KIAA1328: variants seen among roughly 807,000 people sequenced by gnomAD.
KIAA1328 encodes the protein KIAA1328, also known as protein hinderin.
A neutral mutation model predicts 68.1 loss-of-function variants in KIAA1328; 52 were observed. That is an observed-to-expected ratio of 0.76 (90% CI 0.61 to 0.96). The LOEUF (loss-of-function observed/expected upper bound fraction) is 0.96. Ranked by LOEUF, KIAA1328 falls within the 40% of genes least tolerant of loss-of-function variation. The pLI is 0.00. For synonymous variants in KIAA1328, 232 were observed against 239.4 expected (o/e 0.97, Z 0.28); for missense variants, 641 against 677.6 (o/e 0.95, Z 0.60).
At chr18:37,075,716 A>G (rs557544375) in intron 7 of KIAA1328, 2 of 152,324 alleles carry the variant, frequency 1.3e-5, no homozygotes, top group African/African-American at 4.8e-5. Flanking sequence ...TAAACCAACA[A>G]AGATCAAAAG....
chr18:36,844,359 A>C lies in KIAA1328; in HGVS notation c.332+57A>C, dbSNP rs1024257568. On this transcript the variant is annotated intron_variant, in intron 4 of 9. Transcript: ENST00000280020. The stretch of plus-strand genomic sequence containing the variant: ...TATACAAAAGACAACTCTTATTGAA[A>C]ACAGAAAATTGCAAATATATTTTGA... The C allele has an allele frequency of 2.6e-6, 3 of 1,162,754 alleles. No individual in the cohort carries two copies. In the African/African-American group the frequency reaches 4.8e-5, roughly 19 times the overall value. 72.0% of individuals were successfully genotyped at this position (1,162,754 alleles called of 1,614,324 possible).
intron 7 of KIAA1328, among the ~76,000 whole-genome samples, chr18:37,090,187 A>G (rs968004953): frequency 1.3e-5 from 2 of 152,214 alleles, no homozygotes; most frequent in Non-Finnish European, 2.9e-5. Context: ...CTTTCTCATT[A>G]TCTCATTTAT....
At chr18:36,903,293 T>C (rs2049102690) in intron 5 of KIAA1328, among the ~76,000 whole-genome samples, 1 of 152,084 alleles carries the variant, frequency 6.6e-6, no homozygotes, top group Non-Finnish European at 1.5e-5. Context: ...CCAATTTTAT[T>C]TTATTAAAGG....
chr18:37,041,607 T>G (rs1346464623), intron 6 of KIAA1328, among the ~76,000 whole-genome samples: 3 of 150,880 alleles, frequency 2.0e-5, no homozygotes, highest in Non-Finnish European at 4.4e-5. Context: ...GATGTCTTAC[T>G]CTTGTACTCC....
At chr18:37,135,001 G>A (rs1305105004) in intron 7 of KIAA1328, among the ~76,000 whole-genome samples, 1 of 152,118 alleles carries the variant, frequency 6.6e-6, no homozygotes, top group African/African-American at 2.4e-5. Context: ...GGCCTCCAGT[G>A]GCATCCATGT....
chr18:37,034,254 A>ATTTTTT (rs1198242860), intron 6 of KIAA1328, among the ~76,000 whole-genome samples: 1 of 152,198 alleles, frequency 6.6e-6, no homozygotes, highest in African/African-American at 2.4e-5. Flanking sequence ...GTAATACAAA[A>ATTTTTT]AAAGGTATAT....
intron 5 of KIAA1328, among the ~76,000 whole-genome samples, chr18:36,944,612 C>G (rs2151198321): frequency 6.6e-6 from 1 of 152,036 alleles, no homozygotes. Context: ...GGAAGTAGCA[C>G]AAACAGAGTA....
At chr18:36,959,906 A>G (rs1259709598) in intron 6 of KIAA1328, among the ~76,000 whole-genome samples, 1 of 152,356 alleles carries the variant, frequency 6.6e-6, no homozygotes, top group East Asian at 1.9e-4. Flanking sequence ...TCACATAAGT[A>G]TGTAGGAGAG....
chr18:36,899,605 T>C (rs956412516), intron 5 of KIAA1328, among the ~76,000 whole-genome samples: 1 of 152,020 alleles, frequency 6.6e-6, no homozygotes, highest in African/African-American at 2.4e-5. Context: ...CATATACTCA[T>C]GATATGTATC....
At chr18:37,226,024 C>G (rs552439656), downstream of KIAA1328, among the ~76,000 whole-genome samples, 55 of 152,240 alleles carry the variant, frequency 3.6e-4, no homozygotes, top group African/African-American at 1.3e-3. Flanking sequence ...TAAGATCCCC[C>G]CTAATTTGAA....
chr18:36,833,399 G>C (rs1014262974), intron 1 of KIAA1328: 3 of 152,218 alleles, frequency 2.0e-5, no homozygotes, highest in African/African-American at 7.2e-5. Flanking sequence ...GTAGGAGCTT[G>C]CATAGCTTGT....
intron 4 of KIAA1328, among the ~76,000 whole-genome samples, chr18:36,854,387 T>C (rs967118933): frequency 2.0e-5 from 3 of 152,220 alleles, no homozygotes; most frequent in African/African-American, 7.2e-5. Context: ...AATTATTGTT[T>C]AAGTTGTCTT....
chr18:37,185,698 TAC>T (rs1196738294), intron 9 of KIAA1328, among the ~76,000 whole-genome samples: 2 of 150,712 alleles, frequency 1.3e-5, no homozygotes, highest in African/African-American at 5.0e-5. Context: ...AATATATATA[TAC>T]GTATATACCT....
At chr18:37,141,410 G>C (rs1265587520) in intron 7 of KIAA1328, among the ~76,000 whole-genome samples, 1 of 152,146 alleles carries the variant, frequency 6.6e-6, no homozygotes, top group Non-Finnish European at 1.5e-5. Context: ...CCAAATTGCT[G>C]CGTGTTTCAG....
intron 5 of KIAA1328, chr18:36,954,573 T>C (rs571353165): frequency 6.6e-6 from 1 of 152,348 alleles, no homozygotes; most frequent in South Asian, 2.1e-4. Flanking sequence ...TAGTATCCTT[T>C]AATGATCTTT....
intron 7 of KIAA1328, among the ~76,000 whole-genome samples, chr18:37,108,179 A>G (rs891083090): frequency 2.0e-5 from 3 of 152,212 alleles, no homozygotes; most frequent in Non-Finnish European, 1.5e-5. Context: ...ACACCTGGAA[A>G]TACTATGCAT....
intron 5 of KIAA1328, among the ~76,000 whole-genome samples, chr18:36,888,590 A>G (rs1367831279): frequency 1.9e-4 from 29 of 152,158 alleles, no homozygotes; most frequent in Admixed American, 1.7e-3. Flanking sequence ...TCACCAAAAT[A>G]TAGGTAGTAT....
intron 6 of KIAA1328, among the ~76,000 whole-genome samples, chr18:36,985,216 C>T (rs2052867167): frequency 1.3e-5 from 2 of 152,108 alleles, no homozygotes; most frequent in Non-Finnish European, 2.9e-5. Flanking sequence ...AGGAGGATTG[C>T]TTGAGCCCAG....
chr18:36,887,112 C>CT (rs553425006), intron 5 of KIAA1328, among the ~76,000 whole-genome samples: 19,300 of 134,618 alleles, frequency 0.14, 1,633 homozygotes, highest in Admixed American at 0.2. Context: ...CCAACTTTCT[C>CT]TTTTTTTTTT....
Sources: allele counts gnomAD v4.1 joint callset (sites outside exome capture counted in the v4.1 genomes callset), GRCh38; gene constraint gnomAD v4.1.1; transcripts MANE v1.5; gene names NCBI Gene and HGNC (gene_info 2026-07-23, HGNC 2026-07-21).